The following MYH13 variants were observed in gnomAD, a reference collection of about 807,000 sequenced individuals.
MYH13 encodes myosin heavy chain 13.
Under a neutral mutation model 232.1 loss-of-function variants are expected in MYH13, and 177 were observed. The observed-to-expected ratio is 0.76, with a 90% CI of 0.67 to 0.86. The LOEUF is 0.86. Among genes scored for constraint, MYH13 ranks in the 40% least tolerant of loss-of-function variants. The probability of loss-of-function intolerance (pLI) is 0.00; values close to 1 mark genes in which losing one functional copy is unlikely to be tolerated. For synonymous variants in MYH13, 884 were observed against 923.5 expected (o/e 0.96, Z 0.78); for missense variants, 2,246 against 2,405.9 (o/e 0.93, Z 1.39).
At chr17:10,344,843 G>C (rs11871737) in intron 15 of MYH13, among the ~76,000 whole-genome samples, 6 of 95,022 alleles carry the variant, frequency 6.3e-5, no homozygotes, top group Non-Finnish European at 1.2e-4. Flanking sequence ...AAAAAAAAAA[G>C]TTAATATCTA....
intron 8 of MYH13, among the ~76,000 whole-genome samples, chr17:10,355,746 T>C (rs1050645416): frequency 6.6e-6 from 1 of 152,062 alleles, no homozygotes; most frequent in Admixed American, 6.6e-5. Flanking sequence ...GCCTGCCTGG[T>C]TTTCATCCTG....
At chr17:10,331,788 C>T (rs1438945698) in intron 20 of MYH13, among the ~76,000 whole-genome samples, 1 of 152,098 alleles carries the variant, frequency 6.6e-6, no homozygotes, top group Non-Finnish European at 1.5e-5. Flanking sequence ...GCCTCAGTGT[C>T]CCTGGAGTCC....
In MYH13 at chr17:10,318,702, G is replaced by A. The variant is rs551170906; in HGVS notation, c.3738+88C>T. 5.2e-6 allele frequency: 8 copies of A among 1,538,832 alleles called. No homozygotes were observed. In the East Asian group the frequency reaches 1.8e-4, roughly 35 times the overall value. ...GGGTTTCAGTGTAGAACATGCAGTG[G>A]TTTGGAGGCATCAAATTACACGTGC... On this transcript the variant is annotated intron_variant, in intron 27 of 40. Transcript: ENST00000252172.
intron 23 of MYH13, among the ~76,000 whole-genome samples, chr17:10,323,778 A>G (rs1337915387): frequency 2.2e-4 from 19 of 87,654 alleles, no homozygotes; most frequent in African/African-American, 6.3e-4. Flanking sequence ...AAAAAAAAAA[A>G]AAAAAAAAAA....
intron 22 of MYH13, chr17:10,325,012 T>C (rs931354611): frequency 1.3e-5 from 2 of 151,492 alleles, no homozygotes; most frequent in African/African-American, 4.9e-5. Flanking sequence ...TGTGTACAGA[T>C]GGGGCCTCCA....
chr17:10,335,472 G>T (rs1567665161), intron 18 of MYH13, among the ~76,000 whole-genome samples: 1 of 152,180 alleles, frequency 6.6e-6, no homozygotes, highest in East Asian at 1.9e-4. Flanking sequence ...ATGAGTACAG[G>T]CCCGGTGCGA....
intron 23 of MYH13, among the ~76,000 whole-genome samples, chr17:10,322,800 A>AT (rs1208643118): frequency 1.3e-5 from 2 of 151,680 alleles, no homozygotes; most frequent in African/African-American, 4.8e-5. Flanking sequence ...CGCCCGGCTA[A>AT]TTTTTTGTAT....
rs1283587614 is a variant in MYH13 at position 10,324,168 on chromosome 17, A to G, written c.2788T>C (p.Leu930=). The change falls in exon 23 of 41, where the codon TTG becomes CTG. Residue 930 remains leucine (L), a synonymous_variant. Coordinates refer to ENST00000252172, the MANE Select transcript of MYH13 (RefSeq NM_003802.3). ...GAATTCATCTCCTCTTCCTCTTCCA[A>G]TCTCTCCGTCAGCTCCTTGACTTTT... ...EAKVKELTER[L]EEEEEMNSEL... 1.2e-6 allele frequency: 2 copies of G among 1,613,320 alleles called. No homozygotes were observed. Among genetic ancestry groups the G allele is most frequent in the African/African-American group, 1.3e-5 (1 of 74,720 alleles).
At position 10,350,605 on chromosome 17, in the gene MYH13, C is replaced by T; in HGVS notation, c.1095G>A (p.Lys365=). The T allele has an allele frequency of 1.2e-6, 2 of 1,613,822 alleles. No homozygotes were observed. Among genetic ancestry groups the T allele is most frequent in the Non-Finnish European group, 1.7e-6 (2 of 1,179,978 alleles). Residue 365 remains lysine, a synonymous_variant, in exon 12 of 41, where the codon AAG becomes AAA. Transcript: ENST00000252172. The stretch of plus-strand genomic sequence containing the variant: ...GCTCCTCACGCTGCTTCTGCTTGAA[C>T]TTCATGTTCCCATAATGCATCACGG... ...TGAVMHYGNM[K]FKQKQREEQA... is the part of the protein sequence containing the mutation.
rs1231625182 is a variant in MYH13, at chr17:10,311,098, C to G, written c.4656+5G>C. The G allele has an allele frequency of 6.2e-7, 1 of 1,613,904 alleles. No individual in the cohort carries two copies. The highest frequency in any genetic ancestry group is 8.5e-7 in the Non-Finnish European group (1 of 1,179,844). ...ATTTCTGAATGTCATATCCTAGACA[C>G]TTACCTCCACTTCTTCTAAGGCGAC... On this transcript the variant is annotated splice_donor_5th_base_variant and intron_variant, in intron 33 of 40. Transcript: ENST00000252172.
At chr17:10,363,208 A>C (rs777374681) in intron 3 of MYH13, among the ~76,000 whole-genome samples, 5 of 149,148 alleles carry the variant, frequency 3.4e-5, no homozygotes, top group Non-Finnish European at 7.4e-5. Flanking sequence ...AACAGCTACT[A>C]GGGAGGCTGA....
intron 21 of MYH13, among the ~76,000 whole-genome samples, chr17:10,328,394 G>C (rs558669098): frequency 4.9e-4 from 74 of 152,326 alleles, no homozygotes; most frequent in Non-Finnish European, 8.1e-4. Flanking sequence ...CCTACTGAGA[G>C]TGCCCTGCCT....
intron 16 of MYH13, among the ~76,000 whole-genome samples, chr17:10,342,582 G>A (rs1355637216): frequency 6.6e-6 from 1 of 152,188 alleles, no homozygotes; most frequent in African/African-American, 2.4e-5. Context: ...CAGACAAAAT[G>A]TGATATATTC....
intron 2 of MYH13, among the ~76,000 whole-genome samples, chr17:10,370,771 C>T (rs990272773): frequency 6.6e-6 from 1 of 152,102 alleles, no homozygotes; most frequent in Admixed American, 6.6e-5. Context: ...TTTTTATTAC[C>T]GCACCGGGCA....
At chr17:10,326,978 CTAGTTTTTTTTTTTT>C in intron 22 of MYH13, among the ~76,000 whole-genome samples, 1 of 68,738 alleles carries the variant, frequency 1.5e-5, no homozygotes, top group African/African-American at 4.8e-5. Flanking sequence ...ACCATGCCTA[CTAGTTTTTTTTTTTT>C]TTTTTTTTTT....
chr17:10,322,656 G>A (rs12950594), intron 23 of MYH13, among the ~76,000 whole-genome samples: 1 of 132,958 alleles, frequency 7.5e-6, no homozygotes, highest in Non-Finnish European at 1.6e-5. Flanking sequence ...TTTTTTGAGA[G>A]GGAGTCTCAC....
At chr17:10,342,260 T>G (rs1008323814) in intron 16 of MYH13, among the ~76,000 whole-genome samples, 2 of 152,160 alleles carry the variant, frequency 1.3e-5, no homozygotes, top group Admixed American at 6.6e-5. Context: ...AGGATCTCTA[T>G]GTTGCCCACA....
chr17:10,335,488 C>T (rs750154938), intron 18 of MYH13, among the ~76,000 whole-genome samples: 2 of 152,164 alleles, frequency 1.3e-5, no homozygotes, highest in Admixed American at 6.5e-5. Context: ...TGCGATGGCT[C>T]ACGCTTGTAA....
rs763569858 is a variant in MYH13 at position 10,346,780 on chromosome 17, T to C, written c.1163A>G (p.Tyr388Cys). ...DGTEVADKAG[Y>C]LMGLNSAEML... Reference sequence around the variant, plus strand: ...TTCTGCAGAATTCAGTCCCATCAGGTATCCGGCTTTGTCAGCCACTGAAGG... The same window carrying C: ...TTCTGCAGAATTCAGTCCCATCAGGCATCCGGCTTTGTCAGCCACTGAAGG... The change falls in exon 13 of 41, where the codon TAC becomes TGC. Residue 388 changes from tyrosine to cysteine, a missense_variant. Coordinates refer to ENST00000252172, the MANE Select transcript of MYH13 (RefSeq NM_003802.3). 1 of 1,613,688 alleles carries C rather than the reference T, an allele frequency of 6.2e-7. No individual in the cohort carries two copies. The highest frequency in any genetic ancestry group is 1.3e-5 in the African/African-American group (1 of 74,906).
Sources: gnomAD v4.1 joint callset for allele counts (sites outside exome capture counted in the v4.1 genomes callset) on GRCh38, gnomAD v4.1.1 for gene constraint, MANE v1.5 for transcripts, NCBI Gene and HGNC (gene_info 2026-07-23, HGNC 2026-07-21) for gene names.